Variants in DIPK1A observed in about 807,000 individuals in gnomAD.
DIPK1A encodes family with sequence similarity 69 member A.
Under a neutral mutation model 40.8 loss-of-function variants are expected in DIPK1A, and 27 were observed. The ratio of observed to expected loss-of-function variants is 0.66; its 90% CI spans 0.49 to 0.91. DIPK1A has a LOEUF of 0.91. Ranked by LOEUF, DIPK1A falls within the 40% of genes least tolerant of loss-of-function variation. The probability of loss-of-function intolerance (pLI) is 0.00; values close to 1 mark genes in which losing one functional copy is unlikely to be tolerated. For synonymous variants in DIPK1A, 166 were observed against 171.3 expected (o/e 0.97, Z 0.24); for missense variants, 412 against 505.7 (o/e 0.81, Z 1.78).
chr1:92,959,894 C>T (rs1382313625), intron 1 of DIPK1A, among the ~76,000 whole-genome samples: 1 of 106,300 alleles, frequency 9.4e-6, no homozygotes, highest in African/African-American at 3.7e-5. Context: ...ACCACAGGCA[C>T]CCAACCAACT....
chr1:92,836,478 A>G (rs940726311), intron 4 of DIPK1A: 3 of 1,251,160 alleles, frequency 2.4e-6, no homozygotes, highest in Non-Finnish European at 3.5e-6. Context: ...AACCGAATTA[A>G]AGTAGCTATC....
chr1:92,846,811 A>ATGTGTGTATATATATATATATG lies in DIPK1A; in HGVS notation c.474+371_474+372insCATATATATATATATACACACA. Among the ~76,000 whole-genome samples, 2 of 3,200 alleles carry ATGTGTGTATATATATATATATG rather than the reference A, an allele frequency of 6.3e-4. 1 individual carries two copies. The highest frequency in any genetic ancestry group is 4.7e-3 in the African/African-American group (2 of 428). 2.1% of individuals were successfully genotyped at this position (3,200 alleles called of 152,430 possible). On this transcript the variant is annotated intron_variant, in intron 4 of 4. Coordinates refer to ENST00000370310, the MANE Select transcript of DIPK1A (RefSeq NM_001006605.5). The stretch of plus-strand genomic sequence containing the variant: ...TCCTGGCATATATATATATATATAT[A>ATGTGTGTATATATATATATATG]TATATATATATATATATATATATAT...
intron 4 of DIPK1A, chr1:92,845,508 G>GGA: frequency 5.0e-6 from 1 of 198,460 alleles, no homozygotes; most frequent in Non-Finnish European, 8.8e-6. Context: ...GTCTATGCTA[G>GGA]AAAAAAAAAA....
chr1:92,833,789 C>T, intron 4 of DIPK1A: 1 of 748,110 alleles, frequency 1.3e-6, no homozygotes, highest in Non-Finnish European at 2.3e-6. Context: ...ATAATTTTTC[C>T]TTTTAGTAGG....
intron 1 of DIPK1A, among the ~76,000 whole-genome samples, chr1:92,945,217 T>C (rs1186766202): frequency 6.6e-6 from 1 of 150,682 alleles, no homozygotes; most frequent in Non-Finnish European, 1.5e-5. Flanking sequence ...TAAGTGAGAG[T>C]ACAGAAAAAA....
At chr1:92,890,738 T>G (rs921072892) in intron 1 of DIPK1A, among the ~76,000 whole-genome samples, 5 of 152,232 alleles carry the variant, frequency 3.3e-5, no homozygotes, top group Admixed American at 2.6e-4. Flanking sequence ...TGAGGATTTT[T>G]ACATCTATGT....
At chr1:92,923,707 T>A (rs1650365233) in intron 1 of DIPK1A, among the ~76,000 whole-genome samples, 1 of 152,160 alleles carries the variant, frequency 6.6e-6, no homozygotes, top group Non-Finnish European at 1.5e-5. Flanking sequence ...CTGGCCCCAT[T>A]CTGTCAACAT....
downstream of DIPK1A, chr1:92,842,039 T>C: frequency 2.5e-6 from 2 of 804,948 alleles, no homozygotes; most frequent in South Asian, 2.5e-5. Flanking sequence ...TAACTAACTT[T>C]TTAAGAAAAA....
chr1:92,900,883 T>G (rs1295995676), intron 1 of DIPK1A, among the ~76,000 whole-genome samples: 2 of 150,092 alleles, frequency 1.3e-5, no homozygotes, highest in Non-Finnish European at 3.0e-5. Context: ...TTTTTCATGT[T>G]TTTTTTTTTA....
At chr1:92,918,333 GAGAT>G (rs1557484439) in intron 1 of DIPK1A, among the ~76,000 whole-genome samples, 1 of 152,080 alleles carries the variant, frequency 6.6e-6, no homozygotes, top group Non-Finnish European at 1.5e-5. Flanking sequence ...TATTTCTGTA[GAGAT>G]AGAGTTTCAT....
chr1:92,898,809 C>T (rs181653775), intron 1 of DIPK1A, among the ~76,000 whole-genome samples: 89 of 152,146 alleles, frequency 5.8e-4, no homozygotes, highest in African/African-American at 2.0e-3. Flanking sequence ...GTCACCCAGG[C>T]TGGAGTGCAC....
intron 1 of DIPK1A, among the ~76,000 whole-genome samples, chr1:92,894,578 A>G (rs1226414138): frequency 1.3e-5 from 2 of 152,110 alleles, no homozygotes; most frequent in African/African-American, 4.8e-5. Flanking sequence ...ACACCCTAAC[A>G]TCACAATTAA....
At chr1:92,938,194 C>T (rs1651015743) in intron 1 of DIPK1A, among the ~76,000 whole-genome samples, 1 of 152,030 alleles carries the variant, frequency 6.6e-6, no homozygotes, top group Admixed American at 6.6e-5. Flanking sequence ...ATTAGCCAGG[C>T]ATGGTGGTGC....
chr1:92,935,885 T>TTAAGAAAA (rs1650926075), intron 1 of DIPK1A, among the ~76,000 whole-genome samples: 1 of 151,272 alleles, frequency 6.6e-6, no homozygotes, highest in East Asian at 2.0e-4. Context: ...CCAGCCTGGG[T>TTAAGAAAA]AACAAAGCGA....
intron 1 of DIPK1A, among the ~76,000 whole-genome samples, chr1:92,925,099 CATTT>C (rs1305549986): frequency 6.6e-6 from 1 of 152,136 alleles, no homozygotes; most frequent in East Asian, 1.9e-4. Flanking sequence ...TGGTGGATTA[CATTT>C]ATTTATTTTC....
intron 3 of DIPK1A, among the ~76,000 whole-genome samples, chr1:92,849,830 A>AT (rs1249863402): frequency 7.3e-5 from 11 of 151,380 alleles, no homozygotes; most frequent in African/African-American, 2.2e-4. Flanking sequence ...TAATTTTTGT[A>AT]TTTTTTGTAG....
intron 4 of DIPK1A, chr1:92,833,335 A>T: frequency 7.1e-7 from 1 of 1,401,462 alleles, no homozygotes. Context: ...ATTTATGTCA[A>T]AAGTATCATA....
At chr1:92,855,253 T>C (rs1383736187) in intron 2 of DIPK1A, among the ~76,000 whole-genome samples, 1 of 152,102 alleles carries the variant, frequency 6.6e-6, no homozygotes, top group African/African-American at 2.4e-5. Context: ...TATCAAAACT[T>C]GTGGGAGGCA....
chr1:92,884,417 C>T (rs1273302494), intron 1 of DIPK1A, among the ~76,000 whole-genome samples: 1 of 152,038 alleles, frequency 6.6e-6, no homozygotes, highest in African/African-American at 2.4e-5. Context: ...CACACCACTG[C>T]ACTCTAACCT....
Sources: gnomAD v4.1 joint callset for allele counts (sites outside exome capture counted in the v4.1 genomes callset) on GRCh38, gnomAD v4.1.1 for gene constraint, MANE v1.5 for transcripts, NCBI Gene and HGNC (gene_info 2026-07-23, HGNC 2026-07-21) for gene names.